Variants in RAP1GAP observed in about 807,000 individuals in gnomAD.
RAP1GAP encodes rap1 GTPase-activating protein 1.
In RAP1GAP, 35 loss-of-function variants were observed where a neutral mutation model predicts 87.2. The observed-to-expected ratio is 0.40, with a 90% CI of 0.31 to 0.53. The LOEUF (loss-of-function observed/expected upper bound fraction) is 0.53, where lower values mean the gene tolerates loss of function less well. Among genes scored for constraint, RAP1GAP ranks in the 20% least tolerant of loss-of-function variants. The pLI is 0.48. For synonymous variants in RAP1GAP, 375 were observed against 363.9 expected, an observed-to-expected ratio of 1.03 and a Z score of -0.35; for missense variants, 734 against 898.9, an observed-to-expected ratio of 0.82 and a Z score of 2.35.
At chr1:21,642,501 G>A (rs1047341451) in intron 2 of RAP1GAP, among the ~76,000 whole-genome samples, 2 of 152,162 alleles carry the variant, frequency 1.3e-5, no homozygotes, top group African/African-American at 4.8e-5. Context: ...CAGCATCTGC[G>A]GTCCCAGCCC....
chr1:21,649,394 C>T (rs2096376447), intron 2 of RAP1GAP, among the ~76,000 whole-genome samples: 1 of 152,120 alleles, frequency 6.6e-6, no homozygotes, highest in Non-Finnish European at 1.5e-5. Flanking sequence ...AGCATTTAAG[C>T]AAAAAGGGCC....
chr1:21,651,956 C>A, intron 1 of RAP1GAP: 7 of 766,606 alleles, frequency 9.1e-6, no homozygotes, highest in Non-Finnish European at 1.1e-5. Flanking sequence ...CAGCGGGCCG[C>A]GGTCCAGCTG....
At chr1:21,621,129 A>C (rs767842624) in intron 3 of RAP1GAP, among the ~76,000 whole-genome samples, 11 of 152,130 alleles carry the variant, frequency 7.2e-5, no homozygotes, top group Admixed American at 3.9e-4. Flanking sequence ...CACAAATGCA[A>C]ACCCACACCT....
At chr1:21,666,796 C>G (rs187925827) in intron 1 of RAP1GAP, among the ~76,000 whole-genome samples, 9 of 152,062 alleles carry the variant, frequency 5.9e-5, no homozygotes, top group African/African-American at 2.2e-4. Context: ...AGGGCATCCT[C>G]GTGTTCTTCC....
intron 2 of RAP1GAP, among the ~76,000 whole-genome samples, chr1:21,647,219 G>A (rs1293262253): frequency 6.6e-6 from 1 of 152,172 alleles, no homozygotes; most frequent in Non-Finnish European, 1.5e-5. Flanking sequence ...GTGACTCAAT[G>A]GGAGGCCGAG....
intron 1 of RAP1GAP, among the ~76,000 whole-genome samples, chr1:21,660,353 T>TATATATATATATAGAGAGAGAGAGAGA: frequency 1.1e-4 from 3 of 26,840 alleles, no homozygotes; most frequent in African/African-American, 2.2e-4. Flanking sequence ...ATATATTTAT[T>TATATATATATATAGAGAGAGAGAGAGA]GAGACAGTCT....
In RAP1GAP at chr1:21,610,201, G is replaced by A. The variant is rs145287604; in HGVS notation, c.918C>T (p.Pro306=). The A allele has an allele frequency of 5.0e-6, 8 of 1,614,020 alleles. No homozygotes were observed. The highest frequency in any genetic ancestry group is 4.5e-5 in the East Asian group (2 of 44,888). The stretch of plus-strand genomic sequence containing the variant: ...GCAGGAAGTTGGACGCGATCATGTC[G>A]GGCACGAAAGGAGTGTTCTCATCCT... ...VFQDENTPFV[P]DMIASNFLHA... The change falls in exon 14 of 25, where the codon CCC becomes CCT. Residue 306 remains proline, a synonymous_variant. Coordinates refer to ENST00000374765, the MANE Select transcript of RAP1GAP (RefSeq NM_002885.4).
chr1:21,629,771 A>G (rs1177181886), intron 2 of RAP1GAP, among the ~76,000 whole-genome samples: 3 of 152,240 alleles, frequency 2.0e-5, no homozygotes, highest in Non-Finnish European at 4.4e-5. Flanking sequence ...GCAGATGTTC[A>G]GAAACCTCCT....
intron 3 of RAP1GAP, among the ~76,000 whole-genome samples, chr1:21,623,955 T>C (rs1294792963): frequency 1.3e-5 from 2 of 152,242 alleles, no homozygotes; most frequent in African/African-American, 4.8e-5. Flanking sequence ...TGTGGCTGTA[T>C]GTATGTGGGC....
intron 11 of RAP1GAP, 66 bp from the exon 12 acceptor site, chr1:21,611,882 T>A (rs2275364): frequency 4.6e-6 from 7 of 1,534,324 alleles, no homozygotes; most frequent in Admixed American, 1.7e-5. Flanking sequence ...CTGTCCCTAC[T>A]TGGACCCAGA....
chr1:21,606,335 T>A (rs1322974957), intron 17 of RAP1GAP, 138 bp from the exon 18 acceptor site: 2 of 1,305,692 alleles, frequency 1.5e-6, no homozygotes, highest in Non-Finnish European at 2.1e-6. Context: ...CCCCTGGGCA[T>A]GTGGCCAGCA....
At chr1:21,632,891 C>T (rs2094035055) in intron 2 of RAP1GAP, among the ~76,000 whole-genome samples, 1 of 152,136 alleles carries the variant, frequency 6.6e-6, no homozygotes, top group African/African-American at 2.4e-5. Context: ...CAGAGCAAGA[C>T]CCCATCTATA....
At position 21,598,058 on chromosome 1, in the gene RAP1GAP, G is replaced by T. The variant is rs1254883908; in HGVS notation, c.1886C>A (p.Ser629Tyr). 6.4e-7 allele frequency: 1 copy of T among 1,557,220 alleles called. No homozygotes were observed. Among genetic ancestry groups the T allele is most frequent in the Non-Finnish European group, 8.7e-7 (1 of 1,149,850 alleles). ...TTSGGSSPGP[S>Y]RSPHPDAGKL... is the part of the protein sequence containing the mutation. ...GCCGGCGTCTGGGTGGGGTGATCGA[G>T]AGGGGCCTGGGGAGGGGGGCAGGAG... The change falls in exon 23 of 25, where the codon TCT becomes TAT. Residue 629 changes from serine to tyrosine, a missense_variant. Coordinates refer to ENST00000374765, the MANE Select transcript of RAP1GAP (RefSeq NM_002885.4).
intron 1 of RAP1GAP, among the ~76,000 whole-genome samples, chr1:21,667,903 G>A (rs1223270004): frequency 2.6e-5 from 4 of 152,152 alleles, no homozygotes; most frequent in Non-Finnish European, 5.9e-5. Flanking sequence ...CAAGGAACAC[G>A]CACCCCTTAC....
intron 1 of RAP1GAP, chr1:21,651,326 T>C: frequency 2.3e-6 from 1 of 442,530 alleles, no homozygotes; most frequent in Non-Finnish European, 4.6e-6. Flanking sequence ...GCCCAACAGC[T>C]GCAGAGGCAA....
intron 2 of RAP1GAP, among the ~76,000 whole-genome samples, chr1:21,635,005 C>T (rs777768425): frequency 2.0e-5 from 3 of 152,258 alleles, no homozygotes; most frequent in Non-Finnish European, 2.9e-5. Context: ...GCCATCAACC[C>T]TCTCAACAGC....
chr1:21,649,094 G>A (rs1027246723), intron 2 of RAP1GAP, among the ~76,000 whole-genome samples: 2 of 152,190 alleles, frequency 1.3e-5, no homozygotes. Flanking sequence ...AGGGAAGCCC[G>A]GAGGCACCTG....
At chr1:21,656,577 C>T (rs914594336) in intron 1 of RAP1GAP, among the ~76,000 whole-genome samples, 1 of 152,180 alleles carries the variant, frequency 6.6e-6, no homozygotes, top group South Asian at 2.1e-4. Context: ...CAGGAAGCTT[C>T]TGGAAAAAGA....
At chr1:21,650,457 C>T (rs901353346) in intron 1 of RAP1GAP, among the ~76,000 whole-genome samples, 30 of 152,206 alleles carry the variant, frequency 2.0e-4, no homozygotes, top group African/African-American at 7.2e-4. Context: ...CGCCCAGATT[C>T]TCCTACTGCC....
Sources: gnomAD v4.1 joint callset for allele counts (sites outside exome capture counted in the v4.1 genomes callset) on GRCh38, gnomAD v4.1.1 for gene constraint, MANE v1.5 for transcripts, NCBI Gene and HGNC (gene_info 2026-07-23, HGNC 2026-07-21) for gene names.